The following PEPD variants were observed in gnomAD, a reference collection of about 807,000 sequenced individuals.
PEPD encodes the protein xaa-Pro dipeptidase.
In PEPD, 53 loss-of-function variants were observed where a neutral mutation model predicts 60.7. The observed-to-expected ratio is 0.87, with a 90% CI of 0.70 to 1.10. The LOEUF (loss-of-function observed/expected upper bound fraction) is 1.10. Ranked by LOEUF, PEPD falls within the 50% of genes least tolerant of loss-of-function variation. The pLI, the probability that PEPD is intolerant of heterozygous loss-of-function variation, is 0.00. For missense variants in PEPD, 711 were observed against 711.9 expected (o/e 1.00, Z 0.01); for synonymous variants, 267 against 284.1 (o/e 0.94, Z 0.60).
intron 7 of PEPD, among the ~76,000 whole-genome samples, chr19:33,467,803 T>C (rs1312069259): frequency 6.6e-6 from 1 of 152,136 alleles, no homozygotes; most frequent in Non-Finnish European, 1.5e-5. Flanking sequence ...CAAGGGTACA[T>C]ATTGCTTTGA....
chr19:33,458,617 ATG>A (rs1245114343), intron 9 of PEPD, among the ~76,000 whole-genome samples: 4 of 105,672 alleles, frequency 3.8e-5, no homozygotes, highest in African/African-American at 7.6e-5. Context: ...GGCGGTGTGT[ATG>A]TGTGATGTGT....
At position 33,426,572 on chromosome 19, in the gene PEPD, G is replaced by GA. The variant is rs767902042; in HGVS notation, c.672-12930dup. On this transcript the variant is annotated intron_variant, in intron 9 of 14. Coordinates refer to ENST00000244137, the MANE Select transcript of PEPD (RefSeq NM_000285.4). ...GCTGAGGGCTCTGGAGAAGAGAGGA[G>GA]AAGCAGTCTGTCCACATGGACTCAC... Among the ~76,000 whole-genome samples, 14 of 152,348 alleles carry GA rather than the reference G, an allele frequency of 9.2e-5. 1 individual carries two copies. The highest frequency in any genetic ancestry group is 5.2e-4 in the Admixed American group (8 of 15,308).
intron 9 of PEPD, among the ~76,000 whole-genome samples, chr19:33,422,622 T>C (rs1445441582): frequency 8.0e-6 from 1 of 124,988 alleles, no homozygotes; most frequent in African/African-American, 3.2e-5. Flanking sequence ...CATCCATCCC[T>C]CTATCATCTA....
At chr19:33,401,658 G>A in intron 12 of PEPD, 63 bp downstream of exon 12, 1 of 1,488,414 alleles carries the variant, frequency 6.7e-7, no homozygotes, top group South Asian at 1.2e-5. Flanking sequence ...GCAGGCACCT[G>A]CCACATAGCA....
chr19:33,403,601 C>T (rs941148873), intron 11 of PEPD, among the ~76,000 whole-genome samples: 1 of 152,170 alleles, frequency 6.6e-6, no homozygotes, highest in Non-Finnish European at 1.5e-5. Flanking sequence ...GGTGGAGGAC[C>T]CTGGCCTCAT....
In PEPD at chr19:33,511,090, G is replaced by A; in HGVS notation, c.267C>T (p.Asp89=). Residue 89 remains aspartate (D), a synonymous_variant, in exon 3 of 15, where the codon GAC becomes GAT. Coordinates refer to ENST00000244137, the MANE Select transcript of PEPD (RefSeq NM_000285.4). ...EPGCYGVIDV[D]TGKSTLFVPR... ...GCACAAACAGGGTCGACTTCCCAGT[G>A]TCAACATCGATGACACCATAGCAGC... The A allele has an allele frequency of 6.2e-7, 1 of 1,613,986 alleles. No individual in the cohort carries two copies. Among genetic ancestry groups the A allele is most frequent in the Non-Finnish European group, 8.5e-7 (1 of 1,179,884 alleles).
At chr19:33,467,348 C>CTTT (rs148366991) in intron 7 of PEPD, among the ~76,000 whole-genome samples, 1 of 147,910 alleles carries the variant, frequency 6.8e-6, no homozygotes, top group Non-Finnish European at 1.5e-5. Flanking sequence ...AGTTTTATGG[C>CTTT]TTTTTTTTTT....
intron 12 of PEPD, among the ~76,000 whole-genome samples, chr19:33,399,099 G>A (rs1035484134): frequency 3.1e-4 from 47 of 152,012 alleles, no homozygotes; most frequent in African/African-American, 1.1e-3. Flanking sequence ...TTCGATTCTC[G>A]TGCCTTGGCC....
At chr19:33,509,528 G>A (rs1242877910) in intron 3 of PEPD, among the ~76,000 whole-genome samples, 1 of 152,204 alleles carries the variant, frequency 6.6e-6, no homozygotes, top group Non-Finnish European at 1.5e-5. Context: ...GCACTGAAGG[G>A]AGGGTAGCAC....
intron 9 of PEPD, among the ~76,000 whole-genome samples, chr19:33,437,708 C>T (rs1969405539): frequency 6.6e-6 from 1 of 152,174 alleles, no homozygotes; most frequent in Non-Finnish European, 1.5e-5. Flanking sequence ...TGGAATAAAT[C>T]CAACCAAACT....
intron 7 of PEPD, among the ~76,000 whole-genome samples, chr19:33,467,014 G>A (rs1330363070): frequency 1.3e-5 from 2 of 151,884 alleles, no homozygotes; most frequent in Non-Finnish European, 2.9e-5. Flanking sequence ...AAAATTAGCT[G>A]GGCATGGTGG....
chr19:33,414,620 G>A lies in PEPD; in HGVS notation c.672-977C>T, dbSNP rs137956630. ...CACCCCCGACCAGGGCAGTCGTTGC[G>A]GCCGCCCAAGGGCACGCCACATGGC... On this transcript the variant is annotated intron_variant, in intron 9 of 14. Transcript: ENST00000244137. Among the ~76,000 whole-genome samples the A allele has an allele frequency of 3.5e-3, 494 of 139,734 alleles. 2 individuals carry two copies. The highest frequency in any genetic ancestry group is 0.018 in the Middle Eastern group (5 of 276). The allele number at this position is 139,734 out of a possible 152,430, so 91.7% of individuals were successfully genotyped here.
intron 3 of PEPD, among the ~76,000 whole-genome samples, chr19:33,506,551 ACACACACTTCCATCACAACCTACACAC>A (rs1970816167): frequency 6.9e-6 from 1 of 145,852 alleles, no homozygotes; most frequent in Non-Finnish European, 1.5e-5. Flanking sequence ...CACACAGCAC[ACACACACTTCCATCACAACCTACACAC>A]CACACACACT....
intron 9 of PEPD, among the ~76,000 whole-genome samples, chr19:33,432,117 C>A (rs1193016843): frequency 6.6e-6 from 1 of 152,038 alleles, no homozygotes; most frequent in African/African-American, 2.4e-5. Context: ...CAGCCCTATC[C>A]CTTCCTCCAC....
intron 1 of PEPD, among the ~76,000 whole-genome samples, chr19:33,519,570 G>C (rs999500750): frequency 1.3e-5 from 2 of 152,200 alleles, no homozygotes; most frequent in African/African-American, 2.4e-5. Flanking sequence ...CTGCTCTAAA[G>C]GAAGCCACTG....
chr19:33,467,342 T>C (rs1298785937), intron 7 of PEPD, among the ~76,000 whole-genome samples: 1 of 150,352 alleles, frequency 6.7e-6, no homozygotes, highest in African/African-American at 2.4e-5. Context: ...AAACACAGTT[T>C]TATGGCTTTT....
At chr19:33,495,104 C>A (rs1240141016) in intron 4 of PEPD, among the ~76,000 whole-genome samples, 1 of 151,400 alleles carries the variant, frequency 6.6e-6, no homozygotes, top group Admixed American at 6.6e-5. Flanking sequence ...CCACTGCACT[C>A]CAGCCTGGGC....
intron 3 of PEPD, among the ~76,000 whole-genome samples, chr19:33,508,289 C>A (rs143846966): frequency 6.6e-6 from 1 of 152,182 alleles, no homozygotes; most frequent in Non-Finnish European, 1.5e-5. Flanking sequence ...GGCACAGGGG[C>A]CCTCGCTCGT....
chr19:33,387,310 A>C lies in PEPD; in HGVS notation c.*34T>G. The C allele has an allele frequency of 1.2e-6, 2 of 1,612,376 alleles. No homozygotes were observed. Among genetic ancestry groups the C allele is most frequent in the East Asian group, 2.2e-5 (1 of 44,844 alleles). On this transcript the variant is annotated 3_prime_UTR_variant, in exon 15 of 15. Coordinates refer to ENST00000244137, the MANE Select transcript of PEPD (RefSeq NM_000285.4). ...CATCACGAAAAGAGGTTGCAAGGCCAGGCCCCCAGGTGCGCTGGGATTTCT... is the reference window on the plus strand; with the variant it reads ...CATCACGAAAAGAGGTTGCAAGGCCCGGCCCCCAGGTGCGCTGGGATTTCT...
Sources: allele counts gnomAD v4.1 joint callset (sites outside exome capture counted in the v4.1 genomes callset), GRCh38; gene constraint gnomAD v4.1.1; transcripts MANE v1.5; gene names NCBI Gene and HGNC (gene_info 2026-07-23, HGNC 2026-07-21).